TPRN: variants seen among roughly 807,000 people sequenced by gnomAD.
TPRN encodes chromosome 9 open reading frame 75.
Under a neutral mutation model 42.6 loss-of-function variants are expected in TPRN, and 32 were observed. That is an observed-to-expected ratio of 0.75 (90% CI 0.57 to 1.01). The LOEUF is 1.01. TPRN is among the 50% of genes least tolerant of loss of function. The probability of loss-of-function intolerance (pLI) is 0.00; values close to 1 mark genes in which losing one functional copy is unlikely to be tolerated. For missense variants in TPRN, 1,095 were observed against 957.5 expected (o/e 1.14, Z -1.90); for synonymous variants, 541 against 445.6 (o/e 1.21, Z -2.70).
chr9:137,196,566 C>T lies in TPRN; in HGVS notation c.1725+2421G>A, dbSNP rs557738243. On this transcript the variant is annotated intron_variant, in intron 1 of 3. Transcript: ENST00000409012. ...TCCTGCCACTACCCTCCAGCCTGGGCGACAGAGCAAGACTCTGTCTCAAAA... is the reference window on the plus strand; with the variant it reads ...TCCTGCCACTACCCTCCAGCCTGGGTGACAGAGCAAGACTCTGTCTCAAAA... Among the ~76,000 whole-genome samples the T allele has an allele frequency of 7.9e-5, 12 of 152,124 alleles. No individual in the cohort carries two copies. In the East Asian group the frequency reaches 2.1e-3, roughly 27 times the overall value.
At chr9:137,192,848 C>T in intron 1 of TPRN, 157 bp from the exon 2 acceptor site, 2 of 735,200 alleles carry the variant, frequency 2.7e-6, no homozygotes, top group South Asian at 1.7e-5. Flanking sequence ...ACAGAGCTCT[C>T]CAGCTGGACC....
In TPRN at chr9:137,199,119, C is replaced by G; in HGVS notation, c.1593G>C (p.Glu531Asp). ...GCCCCAGGAGGCAACTAGCCTCCTC[C>G]TCCTCGGCCTCCCGTGGCCGAGGCT... ...NREPRPREAEEEEASCLLGPT... is the reference protein window; with the variant it reads ...NREPRPREAEDEEASCLLGPT... The change falls in exon 1 of 4, where the codon GAG becomes GAC. Residue 531 changes from glutamate (E) to aspartate (D), a missense_variant. Transcript: ENST00000409012. 2 of 1,613,248 alleles carry G rather than the reference C, an allele frequency of 1.2e-6. No homozygotes were observed. Among genetic ancestry groups the G allele is most frequent in the African/African-American group, 1.3e-5 (1 of 75,064 alleles).
intron 1 of TPRN, 153 bp from the exon 2 acceptor site, chr9:137,192,844 C>G: frequency 1.3e-6 from 1 of 782,384 alleles, no homozygotes; most frequent in Non-Finnish European, 2.1e-6. Context: ...GGGCACAGAG[C>G]TCTCCAGCTG....
Position 137,192,485 on chromosome 9 carries a change from T to C in TPRN, c.1932A>G (p.Arg644=). The part of the protein sequence containing the change: ...LPRATFVSSV[R]PESSRLPEGS... ...CCTCTGGCAGCCGAGAGCTCTCGGG[T>C]CTCACGCTGCTCACAAACGTGGCCC... Residue 644 remains arginine, a synonymous_variant, in exon 2 of 4, where the codon AGA becomes AGG. Coordinates refer to ENST00000409012, the MANE Select transcript of TPRN (RefSeq NM_001128228.3). 2 of 1,605,868 alleles carry C rather than the reference T, an allele frequency of 1.2e-6. No individual in the cohort carries two copies. Among genetic ancestry groups the C allele is most frequent in the Non-Finnish European group, 1.7e-6 (2 of 1,176,572 alleles).
At position 137,192,381 on chromosome 9, in the gene TPRN, C is replaced by T. The variant is rs1366206526; in HGVS notation, c.1967-16G>A. On this transcript the variant is annotated splice_polypyrimidine_tract_variant and intron_variant, in intron 2 of 3. Coordinates refer to ENST00000409012, the MANE Select transcript of TPRN (RefSeq NM_001128228.3). ...CTGGACAGGCCTGTGAATGGAGGTG[C>T]ACATGCAGACGTGGACACAGACCAG... is the stretch of plus-strand genomic sequence containing the variant. The T allele has an allele frequency of 1.2e-6, 2 of 1,612,868 alleles. No homozygotes were observed. Among genetic ancestry groups the T allele is most frequent in the Non-Finnish European group, 1.7e-6 (2 of 1,179,960 alleles).
In TPRN at chr9:137,191,622, T is replaced by A. The variant is rs966938635; in HGVS notation, c.*490A>T. 2.5e-5 allele frequency: 7 copies of A among 276,378 alleles called. No individual in the cohort carries two copies. Among genetic ancestry groups the A allele is most frequent in the Admixed American group, 4.6e-5 (1 of 21,826 alleles). 17.1% of individuals were successfully genotyped at this position (276,378 alleles called of 1,614,324 possible). A position where few individuals can be genotyped will look rare whatever the true frequency, so the allele number is the denominator to read the frequency against. On this transcript the variant is annotated 3_prime_UTR_variant, in exon 4 of 4. Coordinates refer to ENST00000409012, the MANE Select transcript of TPRN (RefSeq NM_001128228.3). ...CACGCAGTGGGGACACCAGCAGCCT[T>A]GTCCAGTGCTGTTTATTGAGTCCAT...
chr9:137,196,099 C>A (rs748346668), intron 1 of TPRN, among the ~76,000 whole-genome samples: 62 of 152,292 alleles, frequency 4.1e-4, no homozygotes, highest in Non-Finnish European at 6.3e-4. Flanking sequence ...TGGGGCAGGC[C>A]CCTCACCGAC....
rs1834644420 is a variant in TPRN at position 137,192,635 on chromosome 9, C to G, written c.1782G>C (p.Glu594Asp). 1 of 1,613,784 alleles carries G rather than the reference C, an allele frequency of 6.2e-7. No homozygotes were observed. Among genetic ancestry groups the G allele is most frequent in the Admixed American group, 1.7e-5 (1 of 60,008 alleles). ...CCTCTTCCTCCTGCTCTAGGGAGCT[C>G]TCGGAAGGGTACTCAAATGTGGTCT... ...SLQTTFEYPS[E>D]SSLEQEEEVD... The change falls in exon 2 of 4, where the codon GAG (glutamate) becomes GAC (aspartate). Residue 594 changes from glutamate (E) to aspartate (D), a missense_variant. Glu to Asp is a conservative substitution (Grantham distance 45). Transcript: ENST00000409012.
Position 137,192,159 on chromosome 9 carries a change from G to A in TPRN, c.2089C>T (p.Gln697Ter). The A allele has an allele frequency of 1.2e-6, 2 of 1,613,662 alleles. No homozygotes were observed. Among genetic ancestry groups the A allele is most frequent in the Non-Finnish European group, 1.7e-6 (2 of 1,180,018 alleles). ...PVEAMLTPAS[Q>*]NDLSDFRSEP... ...CTGCGGAAGTCCGAGAGGTCATTCT[G>A]ACTGGCGGGTGTGAGCTGAAAGTGA... is the stretch of plus-strand genomic sequence containing the variant. The change falls in exon 4 of 4, where the codon CAG (glutamine) becomes TAG (stop). Residue 697 changes from glutamine to a stop codon, truncating the protein, a stop_gained. Transcript: ENST00000409012. LOFTEE classifies it high-confidence loss of function.
intron 1 of TPRN, chr9:137,195,062 G>C (rs1274441007): frequency 6.6e-6 from 1 of 152,658 alleles, no homozygotes; most frequent in Non-Finnish European, 1.5e-5. Flanking sequence ...CCTCCACCTG[G>C]GACAAAGGGC....
rs761256786 is a variant in TPRN at position 137,199,841 on chromosome 9, T to C, written c.871A>G (p.Thr291Ala). Reference sequence around the variant, plus strand: ...ATCTCGAAGGAGTCGTTGGTGCTGGTGGCTGCGGAGACGCACTGGCGCTGG... The same window carrying C: ...ATCTCGAAGGAGTCGTTGGTGCTGGCGGCTGCGGAGACGCACTGGCGCTGG... ...PSQRQCVSAA[T>A]STNDSFEIRP... The change falls in exon 1 of 4, where the codon ACC (threonine) becomes GCC (alanine). Residue 291 changes from threonine (T) to alanine (A), a missense_variant. Transcript: ENST00000409012. The C allele has an allele frequency of 1.5e-5, 20 of 1,366,712 alleles. No homozygotes were observed. The Admixed American group carries it at 4.3e-4, about 29-fold the overall frequency. The allele number at this position is 1,366,712 out of a possible 1,614,324, so 84.7% of individuals were successfully genotyped here. A position where few individuals can be genotyped will look rare whatever the true frequency, so the allele number is the denominator to read the frequency against.
Position 137,192,089 on chromosome 9 carries a change from C to T in TPRN, c.*23G>A. The T allele has an allele frequency of 6.2e-7, 1 of 1,610,932 alleles. No individual in the cohort carries two copies. Among genetic ancestry groups the T allele is most frequent in the Non-Finnish European group, 8.5e-7 (1 of 1,179,974 alleles). On this transcript the variant is annotated 3_prime_UTR_variant, in exon 4 of 4. Transcript: ENST00000409012. ...CCGGGACTCCCACAGCTGGGCTCAGCCTTGGTCCTGGCAGTGCTGGGCTCA... is the reference window on the plus strand; with the variant it reads ...CCGGGACTCCCACAGCTGGGCTCAGTCTTGGTCCTGGCAGTGCTGGGCTCA...
At position 137,200,065 on chromosome 9, in the gene TPRN, G is replaced by C. The variant is rs1330148272; in HGVS notation, c.647C>G (p.Ala216Gly). ...CCCGTTGGAGAGCAGGCGGGCGCCC[G>C]CGCCGCGGTGCAGACCCCGGGGGTG... is the stretch of plus-strand genomic sequence containing the variant. ...TVHPRGLHRG[A>G]GARLLSNGHS... Residue 216 changes from alanine to glycine, a missense_variant, in exon 1 of 4, where the codon GCG (alanine) becomes GGG (glycine). Coordinates refer to ENST00000409012, the MANE Select transcript of TPRN (RefSeq NM_001128228.3). This position sits in a 1 kb window ranked among gnomAD's most constrained non-coding sequence, Gnocchi z 4.3. 2.8e-6 allele frequency: 4 copies of C among 1,430,444 alleles called. No homozygotes were observed. The allele number at this position is 1,430,444 out of a possible 1,614,324, so 88.6% of individuals were successfully genotyped here.
At position 137,199,839 on chromosome 9, in the gene TPRN, G is replaced by A. The variant is rs1834773671; in HGVS notation, c.873C>T (p.Thr291=). Reference sequence around the variant, plus strand: ...GTATCTCGAAGGAGTCGTTGGTGCTGGTGGCTGCGGAGACGCACTGGCGCT... The same window carrying A: ...GTATCTCGAAGGAGTCGTTGGTGCTAGTGGCTGCGGAGACGCACTGGCGCT... ...PSQRQCVSAA[T]STNDSFEIRP... Residue 291 remains threonine, a synonymous_variant, in exon 1 of 4, where the codon ACC becomes ACT. Transcript: ENST00000409012. 1 of 1,570,804 alleles carries A rather than the reference G, an allele frequency of 6.4e-7. No homozygotes were observed. The highest frequency in any genetic ancestry group is 8.6e-7 in the Non-Finnish European group (1 of 1,158,040).
At position 137,192,355 on chromosome 9, in the gene TPRN, G is replaced by A; in HGVS notation, c.1977C>T (p.Ser659=). Residue 659 remains serine, a synonymous_variant, in exon 3 of 4, where the codon AGC becomes AGT. Transcript: ENST00000409012. ...AGGCCACAGAGTGCTTCGGGGTGTA[G>A]CTGGACAGGCCTGTGAATGGAGGTG... ...RLPEGSSGLS[S]YTPKHSVAFS... is the part of the protein sequence containing the mutation. 1 of 1,612,924 alleles carries A rather than the reference G, an allele frequency of 6.2e-7. No individual in the cohort carries two copies. Among genetic ancestry groups the A allele is most frequent in the Non-Finnish European group, 8.5e-7 (1 of 1,179,986 alleles).
In TPRN at chr9:137,192,572, TTCCTCCTCCTCC is replaced by T. The variant is rs376810326; in HGVS notation, c.1833_1844del (p.Glu618_Glu621del). On this transcript the variant is annotated inframe_deletion, in exon 2 of 4. Transcript: ENST00000409012. Reference sequence around the variant, plus strand: ...CGGATCCCTCTTCCTCCTCTTCCTCTTCCTCCTCCTCCTCCTCCTCCTCCTCCTGCTGGTCCA... The same window carrying T: ...CGGATCCCTCTTCCTCCTCTTCCTCTTCCTCCTCCTCCTCCTGCTGGTCCA... 7.1e-5 allele frequency: 114 copies of T among 1,608,312 alleles called. No homozygotes were observed. Among genetic ancestry groups the T allele is most frequent in the Admixed American group, 1.0e-4 (6 of 59,518 alleles).
In TPRN at chr9:137,192,118, A is replaced by G. The variant is rs1564382943; in HGVS notation, c.2130T>C (p.Tyr710=). ...LSDFRSEPAL[Y]F is the part of the protein sequence containing the mutation. ...GGTCCTGGCAGTGCTGGGCTCAGAA[A>G]TACAGGGCTGGCTCGCTGCGGAAGT... Residue 710 remains tyrosine, a synonymous_variant, in exon 4 of 4, where the codon TAT becomes TAC. Coordinates refer to ENST00000409012, the MANE Select transcript of TPRN (RefSeq NM_001128228.3). The G allele has an allele frequency of 6.2e-7, 1 of 1,613,292 alleles. No individual in the cohort carries two copies. Among genetic ancestry groups the G allele is most frequent in the African/African-American group, 1.3e-5 (1 of 75,052 alleles).
chr9:137,199,870 G>T lies in TPRN; in HGVS notation c.842C>A (p.Pro281His). The T allele has an allele frequency of 6.5e-7, 1 of 1,549,344 alleles. No individual in the cohort carries two copies. The highest frequency in any genetic ancestry group is 8.7e-7 in the Non-Finnish European group (1 of 1,145,480). Residue 281 changes from proline (P) to histidine (H), a missense_variant, in exon 1 of 4, where the codon CCT becomes CAT. By Grantham distance (77) the Pro-to-His change is moderately conservative. Transcript: ENST00000409012. ...TPASPPASAT[P>H]SQRQCVSAAT... Reference sequence around the variant, plus strand: ...TGCGGAGACGCACTGGCGCTGGCTAGGAGTGGCACTGGCAGGGGGTGAGGC... The same window carrying T: ...TGCGGAGACGCACTGGCGCTGGCTATGAGTGGCACTGGCAGGGGGTGAGGC...
Position 137,191,720 on chromosome 9 carries a change from G to A in TPRN, c.*392C>T. The stretch of plus-strand genomic sequence containing the variant: ...GCGGGCAGGGGCTTAGGGTCCTGCA[G>A]AGGACAAGTAGCTGGGACAGCCCTT... On this transcript the variant is annotated 3_prime_UTR_variant, in exon 4 of 4. Transcript: ENST00000409012. 2 of 371,516 alleles carry A rather than the reference G, an allele frequency of 5.4e-6. No homozygotes were observed. The highest frequency in any genetic ancestry group is 2.2e-5 in the South Asian group (1 of 45,820). The allele number at this position is 371,516 out of a possible 1,614,324, so 23.0% of individuals were successfully genotyped here.
Sources: gnomAD v4.1 joint callset for allele counts (sites outside exome capture counted in the v4.1 genomes callset) on GRCh38, gnomAD v4.1.1 for gene constraint, Gnocchi (gnomAD v3.1) non-coding constraint, MANE v1.5 for transcripts, NCBI Gene and HGNC (gene_info 2026-07-23, HGNC 2026-07-21) for gene names.